The following PXDC1 variants were observed in gnomAD, a reference collection of about 807,000 sequenced individuals.
PXDC1 encodes the protein PX domain-containing protein 1.
A neutral mutation model predicts 24.4 loss-of-function variants in PXDC1; 13 were observed. The observed-to-expected ratio is 0.53, with a 90% CI of 0.35 to 0.85. PXDC1 has a LOEUF of 0.85. Among genes scored for constraint, PXDC1 ranks in the 40% least tolerant of loss-of-function variants. The probability of loss-of-function intolerance (pLI) is 0.01; values close to 1 mark genes in which losing one functional copy is unlikely to be tolerated. For synonymous variants in PXDC1, 162 were observed against 124.9 expected (o/e 1.30, Z -1.98); for missense variants, 344 against 309.3 (o/e 1.11, Z -0.84).
chr6:3,751,379 G>C lies in PXDC1; in HGVS notation c.153C>G (p.Leu51=). 1.3e-6 allele frequency: 2 copies of C among 1,565,684 alleles called. No homozygotes were observed. Among genetic ancestry groups the C allele is most frequent in the Non-Finnish European group, 1.7e-6 (2 of 1,156,862 alleles). ...IRTEWSDRSV[L]YLHRSLADLG... is the part of the protein sequence containing the mutation. ...GGTCCGCCAGGCTGCGGTGCAGGTA[G>C]AGCACGCTGCGGTCCGACCACTCCG... Residue 51 remains leucine (L), a synonymous_variant, in exon 1 of 5, where the codon CTC becomes CTG. Transcript: ENST00000380283.
In PXDC1 at chr6:3,725,849, G is replaced by A. The variant is rs1038718327; in HGVS notation, c.578+1702C>T. Reference sequence around the variant, plus strand: ...CGGAACTCCCTCCAGATGCTCCCGAGCCCCATGGCGGCAGGCGTTTCTTTG... The same window carrying A: ...CGGAACTCCCTCCAGATGCTCCCGAACCCCATGGCGGCAGGCGTTTCTTTG... On this transcript the variant is annotated intron_variant, in intron 4 of 4. Coordinates refer to ENST00000380283, the MANE Select transcript of PXDC1 (RefSeq NM_183373.4). The surrounding 1 kb of genome is among the most constrained non-coding windows in gnomAD (Gnocchi z 4.8). Among the ~76,000 whole-genome samples the A allele has an allele frequency of 1.3e-5, 2 of 152,214 alleles. No individual in the cohort carries two copies.
chr6:3,727,462 C>G, intron 4 of PXDC1, 89 bp downstream of exon 4: 2 of 898,992 alleles, frequency 2.2e-6, no homozygotes, highest in Non-Finnish European at 3.5e-6. Flanking sequence ...TGGGCACCCA[C>G]TTCCTTCCAT....
At chr6:3,746,333 C>CGGCGGGGT (rs1376920954) in intron 1 of PXDC1, among the ~76,000 whole-genome samples, 1 of 151,944 alleles carries the variant, frequency 6.6e-6, no homozygotes, top group East Asian at 1.9e-4. Context: ...GCAGAGTGGG[C>CGGCGGGGT]GGCGGGGTTT....
At chr6:3,741,395 G>C (rs1031251318) in intron 1 of PXDC1, among the ~76,000 whole-genome samples, 5 of 152,200 alleles carry the variant, frequency 3.3e-5, no homozygotes, top group African/African-American at 9.7e-5. Flanking sequence ...TCCCTGCCTG[G>C]AAGCACAGAA....
chr6:3,737,089 G>T lies in PXDC1; in HGVS notation c.456C>A (p.Val152=). The change falls in exon 3 of 5, where the codon GTC becomes GTA. Residue 152 remains valine, a synonymous_variant. Transcript: ENST00000380283. This position sits in a 1 kb window ranked among gnomAD's most constrained non-coding sequence, Gnocchi z 5.5. ...CTTTGTGGCTCTTACCTGATATTTT[G>T]ACTGGACTTTGAAAGCTGGGTTGAA... ...HKIQPSFQSP[V]KISEIMRSNG... The T allele has an allele frequency of 6.2e-7, 1 of 1,602,010 alleles. No homozygotes were observed. Among genetic ancestry groups the T allele is most frequent in the South Asian group, 1.1e-5 (1 of 90,776 alleles).
intron 3 of PXDC1, among the ~76,000 whole-genome samples, chr6:3,732,502 C>A (rs1240751165): frequency 6.6e-6 from 1 of 152,232 alleles, no homozygotes; most frequent in Non-Finnish European, 1.5e-5. Context: ...TCCAAGTTGC[C>A]AGATCGAAGC....
Position 3,727,677 on chromosome 6 carries a change from A to T in PXDC1, c.467-15T>A, listed in dbSNP as rs1760098093. On this transcript the variant is annotated splice_polypyrimidine_tract_variant and intron_variant, in intron 3 of 4. Coordinates refer to ENST00000380283, the MANE Select transcript of PXDC1 (RefSeq NM_183373.4). The stretch of plus-strand genomic sequence containing the variant: ...CCTCATGATTTCTGAAAACCAAAGC[A>T]ACAAGGTGAGTCCTCAGGAGGGGTC... 6.4e-7 allele frequency: 1 copy of T among 1,574,758 alleles called. No individual in the cohort carries two copies. Among genetic ancestry groups the T allele is most frequent in the South Asian group, 1.1e-5 (1 of 90,302 alleles).
chr6:3,726,653 G>A (rs996078394), intron 4 of PXDC1, among the ~76,000 whole-genome samples: 1 of 152,236 alleles, frequency 6.6e-6, no homozygotes, highest in Non-Finnish European at 1.5e-5. Flanking sequence ...CCACAGGCCC[G>A]GATGTGGGCC....
intron 1 of PXDC1, 56 bp downstream of exon 1, chr6:3,751,220 C>T: frequency 1.6e-6 from 2 of 1,287,658 alleles, no homozygotes; most frequent in Non-Finnish European, 2.0e-6. Flanking sequence ...CCGCCTCCTT[C>T]GTGCACTTCA....
At chr6:3,746,259 A>C (rs1760569377) in intron 1 of PXDC1, among the ~76,000 whole-genome samples, 2 of 152,304 alleles carry the variant, frequency 1.3e-5, no homozygotes. Context: ...GCAGCAAACC[A>C]AACGCAGCTC....
intron 1 of PXDC1, among the ~76,000 whole-genome samples, chr6:3,742,891 G>A (rs1320362519): frequency 6.6e-6 from 1 of 152,206 alleles, no homozygotes; most frequent in Non-Finnish European, 1.5e-5. Flanking sequence ...AAGGAGTTAG[G>A]TCTCGAAAGC....
intron 1 of PXDC1, among the ~76,000 whole-genome samples, chr6:3,748,581 GAA>G (rs1324789862): frequency 6.6e-6 from 1 of 152,146 alleles, no homozygotes; most frequent in Admixed American, 6.5e-5. Context: ...TGCAGAGAGA[GAA>G]AAAGCACATT....
intron 4 of PXDC1, among the ~76,000 whole-genome samples, chr6:3,726,721 G>A (rs866280411): frequency 3.3e-5 from 5 of 152,242 alleles, no homozygotes; most frequent in Non-Finnish European, 5.9e-5. Flanking sequence ...TAGCAAATGC[G>A]TGGGGCAAGA....
intron 1 of PXDC1, among the ~76,000 whole-genome samples, chr6:3,740,549 C>G (rs1007407777): frequency 1.3e-5 from 2 of 152,194 alleles, no homozygotes; most frequent in African/African-American, 4.8e-5. Context: ...GCAAGTGTAC[C>G]TGGTCAGGCC....
Position 3,723,519 on chromosome 6 carries a change from C to A in PXDC1, c.*100G>T. ...GTGGGGCCTGGGACGTCTGGGAGTTCCAGAGCTGGGGCAGCAGCTGTGACC... is the reference window on the plus strand; with the variant it reads ...GTGGGGCCTGGGACGTCTGGGAGTTACAGAGCTGGGGCAGCAGCTGTGACC... On this transcript the variant is annotated 3_prime_UTR_variant, in exon 5 of 5. Coordinates refer to ENST00000380283, the MANE Select transcript of PXDC1 (RefSeq NM_183373.4). The A allele has an allele frequency of 1.1e-6, 1 of 932,296 alleles. No individual in the cohort carries two copies. Among genetic ancestry groups the A allele is most frequent in the Non-Finnish European group, 1.7e-6 (1 of 580,226 alleles). The allele number at this position is 932,296 out of a possible 1,614,324, so 57.8% of individuals were successfully genotyped here. A position where few individuals can be genotyped will look rare whatever the true frequency, so the allele number is the denominator to read the frequency against.
intron 1 of PXDC1, chr6:3,739,193 C>T (rs1463181131): frequency 2.8e-6 from 3 of 1,057,260 alleles, no homozygotes; most frequent in Non-Finnish European, 3.5e-6. Flanking sequence ...ATTTCTTAAA[C>T]TTCCTGACTG....
intron 3 of PXDC1, among the ~76,000 whole-genome samples, chr6:3,730,481 G>A (rs1213399769): frequency 2.0e-5 from 3 of 150,192 alleles, no homozygotes; most frequent in Non-Finnish European, 4.4e-5. Flanking sequence ...CAAGTCCTAA[G>A]AAAAGCTGTA....
intron 3 of PXDC1, among the ~76,000 whole-genome samples, chr6:3,734,797 A>T (rs1180548790): frequency 6.6e-6 from 1 of 152,120 alleles, no homozygotes; most frequent in Non-Finnish European, 1.5e-5. Context: ...AAAAAAATCA[A>T]TCCTAGGCCG....
At chr6:3,746,245 G>C (rs186983195) in intron 1 of PXDC1, among the ~76,000 whole-genome samples, 6 of 152,214 alleles carry the variant, frequency 3.9e-5, no homozygotes, top group East Asian at 3.8e-4. Flanking sequence ...GATCTGTCGG[G>C]GGGGCAGCAA....
Sources: gnomAD v4.1 joint callset for allele counts (sites outside exome capture counted in the v4.1 genomes callset) on GRCh38, gnomAD v4.1.1 for gene constraint, Gnocchi (gnomAD v3.1) non-coding constraint, MANE v1.5 for transcripts, NCBI Gene and HGNC (gene_info 2026-07-23, HGNC 2026-07-21) for gene names.